The following ZNF678 variants were observed in gnomAD, a reference collection of about 807,000 sequenced individuals.
ZNF678 encodes the protein hypothetical protein MGC42493.
In ZNF678, 5 loss-of-function variants were observed where a neutral mutation model predicts 3.0. The ratio of observed to expected loss-of-function variants is 1.69; its 90% CI spans 0.88 to 3.56. The LOEUF is 3.56. ZNF678 is among the 30% of genes most tolerant of loss of function. The pLI is 0.00. For synonymous variants in ZNF678, 218 were observed against 199.6 expected (o/e 1.09, Z -0.78); for missense variants, 593 against 605.0 (o/e 0.98, Z 0.21).
At chr1:227,626,547 A>G (rs1658419919) in intron 1 of ZNF678, among the ~76,000 whole-genome samples, 1 of 152,130 alleles carries the variant, frequency 6.6e-6, no homozygotes, top group Admixed American at 6.5e-5. Flanking sequence ...GATATCTGCA[A>G]CTAAGTTGGC....
chr1:227,608,535 C>T (rs953288690), intron 1 of ZNF678, among the ~76,000 whole-genome samples: 1 of 152,098 alleles, frequency 6.6e-6, no homozygotes, highest in Non-Finnish European at 1.5e-5. Flanking sequence ...TCACATTCTA[C>T]AAATTATTAC....
intron 1 of ZNF678, among the ~76,000 whole-genome samples, chr1:227,601,765 A>G (rs571461390): frequency 1.3e-5 from 2 of 152,086 alleles, no homozygotes; most frequent in Admixed American, 6.5e-5. Context: ...GGGTTTCACC[A>G]TGTTGGTCAG....
In ZNF678 at chr1:227,627,420, A is replaced by G. The variant is rs1006706136; in HGVS notation, c.-163-19124A>G. On this transcript the variant is annotated intron_variant, in intron 1 of 3. Coordinates refer to ENST00000343776, the MANE Select transcript of ZNF678 (RefSeq NM_001367909.1). ...AGGGGTCCTTCTATAAGCATTTCTA[A>G]TGGAGGGTCCCGCCTTGCAGCTCTT... Among the ~76,000 whole-genome samples the G allele has an allele frequency of 5.2e-4, 79 of 151,968 alleles. 2 individuals carry two copies. The highest frequency in any genetic ancestry group is 8.8e-5 in the Non-Finnish European group (6 of 68,006).
intron 2 of ZNF678, among the ~76,000 whole-genome samples, chr1:227,649,753 T>C (rs953121767): frequency 5.9e-5 from 9 of 152,228 alleles, no homozygotes; most frequent in African/African-American, 2.2e-4. Context: ...GATTTGTGAT[T>C]GCCTGATGAT....
chr1:227,650,440 C>T (rs1338446028), intron 2 of ZNF678, among the ~76,000 whole-genome samples: 2 of 152,230 alleles, frequency 1.3e-5, no homozygotes, highest in Middle Eastern at 3.4e-3. Context: ...GTGATGCCCC[C>T]AGCTTTGTTC....
chr1:227,618,768 G>A (rs1220863412), intron 1 of ZNF678, among the ~76,000 whole-genome samples: 7 of 152,144 alleles, frequency 4.6e-5, no homozygotes, highest in Non-Finnish European at 7.3e-5. Flanking sequence ...AGCTGCTCCT[G>A]ATGAACACAA....
chr1:227,626,078 G>C (rs1371350182), intron 1 of ZNF678, among the ~76,000 whole-genome samples: 2 of 152,194 alleles, frequency 1.3e-5, no homozygotes, highest in African/African-American at 4.8e-5. Context: ...TAGTACAGCA[G>C]TATGGAGCTA....
rs778959515 is a variant in ZNF678 at position 227,563,576 on chromosome 1, G to C, written c.-312G>C. ...GGGGCCTTTGTCTTGTGCTCCAGCT[G>C]GAGCTTTGGTCCCGTATTCTCGGCT... On this transcript the variant is annotated 5_prime_UTR_variant, in exon 1 of 4. Transcript: ENST00000343776. The C allele has an allele frequency of 6.1e-6, 5 of 818,804 alleles. No homozygotes were observed. In the Admixed American group the frequency reaches 7.0e-5, roughly 11 times the overall value. 50.7% of individuals were successfully genotyped at this position (818,804 alleles called of 1,614,324 possible).
At chr1:227,581,767 C>T (rs1306653553) in intron 1 of ZNF678, among the ~76,000 whole-genome samples, 1 of 152,132 alleles carries the variant, frequency 6.6e-6, no homozygotes, top group Non-Finnish European at 1.5e-5. Flanking sequence ...TTGCTGTATG[C>T]TAGAGACCTA....
intron 1 of ZNF678, among the ~76,000 whole-genome samples, chr1:227,617,849 C>A (rs1441974037): frequency 1.3e-5 from 2 of 152,128 alleles, no homozygotes; most frequent in Admixed American, 6.5e-5. Context: ...CAGCAGGGGA[C>A]GGTTTAAATC....
At chr1:227,612,086 C>T (rs1013842961) in intron 1 of ZNF678, among the ~76,000 whole-genome samples, 3 of 152,180 alleles carry the variant, frequency 2.0e-5, no homozygotes, top group African/African-American at 7.2e-5. Context: ...AAAGCTATTG[C>T]ACTGCTGCAG....
At chr1:227,573,064 C>T (rs989800009) in intron 1 of ZNF678, among the ~76,000 whole-genome samples, 13 of 152,188 alleles carry the variant, frequency 8.5e-5, no homozygotes, top group African/African-American at 7.2e-5. Context: ...CATTCTGCCA[C>T]GTGGCATGGG....
At chr1:227,598,043 C>T (rs1183425147) in intron 1 of ZNF678, among the ~76,000 whole-genome samples, 1 of 152,194 alleles carries the variant, frequency 6.6e-6, no homozygotes, top group Non-Finnish European at 1.5e-5. Context: ...GTAATCCCTC[C>T]TCCAAAAATT....
intron 1 of ZNF678, among the ~76,000 whole-genome samples, chr1:227,576,374 T>G (rs1656987436): frequency 6.6e-6 from 1 of 152,272 alleles, no homozygotes; most frequent in Non-Finnish European, 1.5e-5. Flanking sequence ...TAATTTGTCT[T>G]GTCCTGTGCT....
intron 1 of ZNF678, among the ~76,000 whole-genome samples, chr1:227,569,339 A>AT (rs1192511094): frequency 6.6e-6 from 1 of 151,870 alleles, no homozygotes; most frequent in Non-Finnish European, 1.5e-5. Context: ...ATATATGCAA[A>AT]TTTTTTTTAC....
At chr1:227,643,863 C>CT (rs554280668) in intron 1 of ZNF678, among the ~76,000 whole-genome samples, 6,603 of 115,408 alleles carry the variant, frequency 0.057, 284 homozygotes, top group African/African-American at 0.076. Context: ...CTTTTCTTTT[C>CT]TTTTTTTTTT....
At chr1:227,586,236 T>G (rs1226697468) in intron 1 of ZNF678, among the ~76,000 whole-genome samples, 1 of 152,084 alleles carries the variant, frequency 6.6e-6, no homozygotes, top group Non-Finnish European at 1.5e-5. Context: ...AATTAGTCAT[T>G]CAAATGAACA....
At chr1:227,650,856 C>T (rs1659072759) in intron 2 of ZNF678, 100 bp from the exon 3 acceptor site, 1 of 829,990 alleles carries the variant, frequency 1.2e-6, no homozygotes, top group Non-Finnish European at 1.8e-6. Flanking sequence ...TGGCTTTCTA[C>T]ATATAAGATA....
chr1:227,650,269 T>A (rs1659057934), intron 2 of ZNF678, among the ~76,000 whole-genome samples: 1 of 152,214 alleles, frequency 6.6e-6, no homozygotes, highest in African/African-American at 2.4e-5. Flanking sequence ...CAACTATCTT[T>A]TGTGCATTGT....
Sources: allele counts gnomAD v4.1 joint callset (sites outside exome capture counted in the v4.1 genomes callset), GRCh38; gene constraint gnomAD v4.1.1; transcripts MANE v1.5; gene names NCBI Gene and HGNC (gene_info 2026-07-23, HGNC 2026-07-21).